GABRB2: variants seen among roughly 807,000 people sequenced by gnomAD.
The protein encoded by GABRB2 is gamma-aminobutyric acid type A receptor subunit beta2, also known as gamma-aminobutyric acid receptor subunit beta-2.
In GABRB2, 16 loss-of-function variants were observed where a neutral mutation model predicts 54.7. The ratio of observed to expected loss-of-function variants is 0.29; its 90% CI spans 0.20 to 0.44. The LOEUF (loss-of-function observed/expected upper bound fraction) is 0.44. GABRB2 is among the 20% of genes least tolerant of loss of function. The probability of loss-of-function intolerance (pLI) is 1.00; values close to 1 mark genes in which losing one functional copy is unlikely to be tolerated. For missense variants in GABRB2, 355 were observed against 644.0 expected, an observed-to-expected ratio of 0.55 and a Z score of 4.86; for synonymous variants, 244 against 233.8, an observed-to-expected ratio of 1.04 and a Z score of -0.40.
chr5:161,467,857 T>C lies in GABRB2; in HGVS notation c.238-8013A>G, dbSNP rs2113288673. ...ATCTTAGTTATGTGTATAAAGTCAATATTTCCAGTAAATGGTAGAAACTAC... is the reference window on the plus strand; with the variant it reads ...ATCTTAGTTATGTGTATAAAGTCAACATTTCCAGTAAATGGTAGAAACTAC... On this transcript the variant is annotated intron_variant, in intron 3 of 9. Transcript: ENST00000393959. Among the ~76,000 whole-genome samples the C allele has an allele frequency of 1.3e-5, 2 of 152,168 alleles. 1 individual carries two copies. Among genetic ancestry groups the C allele is most frequent in the Admixed American group, 1.3e-4 (2 of 15,266 alleles).
intron 3 of GABRB2, among the ~76,000 whole-genome samples, chr5:161,526,795 C>T (rs375533954): frequency 4.6e-5 from 7 of 151,208 alleles, no homozygotes; most frequent in South Asian, 4.1e-4. Context: ...TTATGTAAGA[C>T]GTATGGGCAC....
At position 161,494,080 on chromosome 5, in the gene GABRB2, T is replaced by G. The variant is rs528832926; in HGVS notation, c.238-34236A>C. ...AAAATCCTATTTAATATGGTACATC[T>G]TTCTCAAAACACACTGCTAAATATA... On this transcript the variant is annotated intron_variant, in intron 3 of 9. Coordinates refer to ENST00000393959, the MANE Select transcript of GABRB2 (RefSeq NM_001371727.1). Among the ~76,000 whole-genome samples, 4 of 151,916 alleles carry G rather than the reference T, an allele frequency of 2.6e-5. No individual in the cohort carries two copies. In the South Asian group the frequency reaches 8.3e-4, roughly 31 times the overall value.
chr5:161,399,322 A>G (rs1322228689), intron 5 of GABRB2, among the ~76,000 whole-genome samples: 1 of 152,096 alleles, frequency 6.6e-6, no homozygotes, highest in Admixed American at 6.6e-5. Context: ...AATTACCACA[A>G]ACTACACTTT....
At chr5:161,380,865 T>TAAAAA (rs5872710) in intron 5 of GABRB2, among the ~76,000 whole-genome samples, 3 of 148,322 alleles carry the variant, frequency 2.0e-5, no homozygotes, top group Non-Finnish European at 4.5e-5. Flanking sequence ...TTTACAAGGG[T>TAAAAA]AAAAAAAAAA....
At chr5:161,526,440 C>T (rs959690757) in intron 3 of GABRB2, among the ~76,000 whole-genome samples, 1 of 151,376 alleles carries the variant, frequency 6.6e-6, no homozygotes, top group African/African-American at 2.4e-5. Flanking sequence ...CTGTTTTATT[C>T]TGAGTGTAGA....
chr5:161,524,486 A>T (rs1258656223), intron 3 of GABRB2, among the ~76,000 whole-genome samples: 1 of 151,716 alleles, frequency 6.6e-6, no homozygotes, highest in Non-Finnish European at 1.5e-5. Flanking sequence ...GGAGCACCAG[A>T]TTGTACATAA....
intron 5 of GABRB2, 46 bp from the exon 6 acceptor site, chr5:161,336,815 A>G (rs252958): frequency 1.4e-6 from 1 of 721,506 alleles, no homozygotes; most frequent in African/African-American, 3.0e-5. Flanking sequence ...TACAGAAAAC[A>G]AAAAAAAAAA....
intron 3 of GABRB2, among the ~76,000 whole-genome samples, chr5:161,498,720 G>T (rs7704861): frequency 0.018 from 2,689 of 152,100 alleles, 84 homozygotes; most frequent in African/African-American, 0.061. Context: ...AAGGGTGGAA[G>T]TCTGCCCTGA....
At chr5:161,394,045 A>G (rs895245474) in intron 5 of GABRB2, among the ~76,000 whole-genome samples, 2 of 152,092 alleles carry the variant, frequency 1.3e-5, no homozygotes, top group Non-Finnish European at 2.9e-5. Flanking sequence ...GTATTGAGTT[A>G]AAAATTGTTA....
intron 4 of GABRB2, among the ~76,000 whole-genome samples, chr5:161,454,382 C>T (rs1032428571): frequency 1.3e-5 from 2 of 152,098 alleles, no homozygotes; most frequent in Non-Finnish European, 2.9e-5. Context: ...TTTGACAATC[C>T]TTTGAATTTT....
At chr5:161,491,680 C>T (rs981515189) in intron 3 of GABRB2, among the ~76,000 whole-genome samples, 1 of 151,540 alleles carries the variant, frequency 6.6e-6, no homozygotes, top group African/African-American at 2.4e-5. Context: ...GACTGGTCTT[C>T]CAGCTCTTAA....
chr5:161,447,124 G>C (rs1757657119), intron 4 of GABRB2, among the ~76,000 whole-genome samples: 1 of 152,050 alleles, frequency 6.6e-6, no homozygotes, highest in Non-Finnish European at 1.5e-5. Context: ...TTTTTTTGTA[G>C]CTTAATCCCC....
chr5:161,290,964 G>A lies in GABRB2; in HGVS notation c.*3117C>T, dbSNP rs936575914. On this transcript the variant is annotated 3_prime_UTR_variant, in exon 10 of 10. Coordinates refer to ENST00000393959, the MANE Select transcript of GABRB2 (RefSeq NM_001371727.1). Reference sequence around the variant, plus strand: ...TATTATTATTATTTTACTTAGCACTGCTTTTGAAGAAATGAGAAGAGAAAA... The same window carrying A: ...TATTATTATTATTTTACTTAGCACTACTTTTGAAGAAATGAGAAGAGAAAA... 2.6e-5 allele frequency: 4 copies of A among 152,450 alleles called. No individual in the cohort carries two copies. The highest frequency in any genetic ancestry group is 6.6e-5 in the Admixed American group (1 of 15,246). 9.4% of individuals were successfully genotyped at this position (152,450 alleles called of 1,614,324 possible).
intron 3 of GABRB2, among the ~76,000 whole-genome samples, chr5:161,516,014 GA>G (rs1759935611): frequency 6.6e-6 from 1 of 151,564 alleles, no homozygotes; most frequent in South Asian, 2.1e-4. Context: ...AGTTGCTATA[GA>G]AAATAAGCCT....
At chr5:161,394,952 C>T (rs1484527283) in intron 5 of GABRB2, among the ~76,000 whole-genome samples, 1 of 152,038 alleles carries the variant, frequency 6.6e-6, no homozygotes, top group African/African-American at 2.4e-5. Context: ...CAAAAATCTT[C>T]AACAAAATAA....
At chr5:161,494,660 A>G (rs1759176658) in intron 3 of GABRB2, among the ~76,000 whole-genome samples, 1 of 151,702 alleles carries the variant, frequency 6.6e-6, no homozygotes, top group South Asian at 2.1e-4. Flanking sequence ...GAAGTATTAA[A>G]TGTGAAGGGT....
At chr5:161,480,779 T>TG (rs1386549836) in intron 3 of GABRB2, among the ~76,000 whole-genome samples, 1 of 152,164 alleles carries the variant, frequency 6.6e-6, no homozygotes, top group African/African-American at 2.4e-5. Context: ...CTGGCCAAGT[T>TG]GGGGCCATTA....
At chr5:161,322,473 T>C (rs1165289006) in intron 9 of GABRB2, among the ~76,000 whole-genome samples, 2 of 152,182 alleles carry the variant, frequency 1.3e-5, no homozygotes, top group Non-Finnish European at 2.9e-5. Context: ...TGGGATCAAG[T>C]GATCTGCCTG....
intron 4 of GABRB2, among the ~76,000 whole-genome samples, chr5:161,412,585 G>A (rs971394491): frequency 3.3e-5 from 5 of 152,100 alleles, no homozygotes; most frequent in African/African-American, 1.2e-4. Context: ...ATTTTCAATG[G>A]CTCTTCCAAG....
Sources: gnomAD v4.1 joint callset for allele counts (sites outside exome capture counted in the v4.1 genomes callset) on GRCh38, gnomAD v4.1.1 for gene constraint, MANE v1.5 for transcripts, NCBI Gene and HGNC (gene_info 2026-07-23, HGNC 2026-07-21) for gene names.